The following HTT variants were observed in gnomAD, a reference collection of about 807,000 sequenced individuals.
HTT encodes the protein huntington disease protein.
HTT carries 104 observed loss-of-function variants against 362.3 expected under a neutral mutation model. That is an observed-to-expected ratio of 0.29 (90% CI 0.24 to 0.34). The LOEUF (loss-of-function observed/expected upper bound fraction) is 0.34, where lower values mean the gene tolerates loss of function less well. HTT is among the 10% of genes least tolerant of loss of function. The probability of loss-of-function intolerance (pLI) is 1.00; values close to 1 mark genes in which losing one functional copy is unlikely to be tolerated. For missense variants in HTT, 3,301 were observed against 3,928.6 expected, an observed-to-expected ratio of 0.84 and a Z score of 4.27; for synonymous variants, 1,577 against 1,548.7, an observed-to-expected ratio of 1.02 and a Z score of -0.43.
At chr4:3,114,625 T>G (rs776807596) in intron 6 of HTT, among the ~76,000 whole-genome samples, 4 of 152,240 alleles carry the variant, frequency 2.6e-5, no homozygotes, top group African/African-American at 4.8e-5. Context: ...GAGCATAGTT[T>G]TGAATAATGG....
chr4:3,104,882 C>T (rs73191189), intron 4 of HTT, among the ~76,000 whole-genome samples: 1,938 of 152,086 alleles, frequency 0.013, 31 homozygotes, highest in South Asian at 0.029. Flanking sequence ...TCAGCCTGGG[C>T]GACCAAGTGA....
rs897236942 is a variant in HTT, at chr4:3,146,485, C to T, written c.3144-312C>T. Among the ~76,000 whole-genome samples, 5 of 152,262 alleles carry T rather than the reference C, an allele frequency of 3.3e-5. No individual in the cohort carries two copies. The East Asian group carries it at 5.8e-4, about 18-fold the overall frequency. On this transcript the variant is annotated intron_variant, in intron 24 of 66. Coordinates refer to ENST00000355072, the MANE Select transcript of HTT (RefSeq NM_001388492.1). Reference sequence around the variant, plus strand: ...GTTTACTCAATGGCATTAACATGCCCAAATGTCTGGGTAGCTGTCTCATCT... The same window carrying T: ...GTTTACTCAATGGCATTAACATGCCTAAATGTCTGGGTAGCTGTCTCATCT...
intron 33 of HTT, among the ~76,000 whole-genome samples, chr4:3,176,059 G>A (rs1380257252): frequency 6.8e-6 from 1 of 147,670 alleles, no homozygotes; most frequent in Non-Finnish European, 1.5e-5. Flanking sequence ...ATGGAGTCTC[G>A]CTCTGTCACC....
At position 3,211,963 on chromosome 4, in the gene HTT, G is replaced by A. The variant is rs1720179447; in HGVS notation, c.6449G>A (p.Ser2150Asn). ...CTAAGCCTGCTAGCTCCATGCTTAA[G>A]CCTAGGGATGAGTGAAATTTCTGGT... ...FNLSLLAPCL[S>N]LGMSEISGGQ... The change falls in exon 48 of 67, where the codon AGC becomes AAC. Residue 2150 changes from serine to asparagine, a missense_variant. Coordinates refer to ENST00000355072, the MANE Select transcript of HTT (RefSeq NM_001388492.1). 6.2e-7 allele frequency: 1 copy of A among 1,614,148 alleles called. No homozygotes were observed. The highest frequency in any genetic ancestry group is 8.5e-7 in the Non-Finnish European group (1 of 1,180,020).
chr4:3,092,587 G>C (rs1480105918), intron 2 of HTT, among the ~76,000 whole-genome samples: 1 of 152,074 alleles, frequency 6.6e-6, no homozygotes, highest in Admixed American at 6.5e-5. Context: ...TTGCTGTATT[G>C]CCCAGGCTGG....
chr4:3,154,061 A>G (rs149273829), intron 26 of HTT, among the ~76,000 whole-genome samples: 122 of 152,226 alleles, frequency 8.0e-4, no homozygotes, highest in African/African-American at 2.6e-3. Context: ...TTCTCTGTGC[A>G]CCTGTTAGGA....
chr4:3,173,079 G>A lies in HTT; in HGVS notation c.4114G>A (p.Asp1372Asn). 6.2e-7 allele frequency: 1 copy of A among 1,614,130 alleles called. No individual in the cohort carries two copies. The highest frequency in any genetic ancestry group is 8.5e-7 in the Non-Finnish European group (1 of 1,180,044). Reference sequence around the variant, plus strand: ...CACCCACTTCACCCAGGCCCTCGCTGACGCCAGCCTGAGGAACATGGTGCA... The same window carrying A: ...CACCCACTTCACCCAGGCCCTCGCTAACGCCAGCCTGAGGAACATGGTGCA... ...PYTHFTQALA[D>N]ASLRNMVQAE... The change falls in exon 31 of 67, where the codon GAC (aspartate) becomes AAC (asparagine). Residue 1372 changes from aspartate to asparagine, a missense_variant. Asp to Asn is a conservative substitution (Grantham distance 23). Transcript: ENST00000355072.
intron 6 of HTT, among the ~76,000 whole-genome samples, chr4:3,111,002 G>A (rs993206132): frequency 1.3e-5 from 2 of 151,728 alleles, no homozygotes; most frequent in African/African-American, 4.8e-5. Flanking sequence ...TCTATTCATT[G>A]TTATGTTTTT....
intron 14 of HTT, 42 bp downstream of exon 14, chr4:3,130,465 T>A (rs755138885): frequency 9.0e-7 from 1 of 1,109,836 alleles, no homozygotes. Context: ...TTTCTGAGCT[T>A]GTGTGAGGAT....
intron 4 of HTT, 37 bp downstream of exon 4, chr4:3,103,920 T>C (rs1292689391): frequency 3.2e-6 from 4 of 1,267,422 alleles, no homozygotes; most frequent in Non-Finnish European, 4.6e-6. Context: ...ATGTTTTAAA[T>C]TTTAAATTTT....
chr4:3,173,962 C>T (rs1023344125), intron 31 of HTT, among the ~76,000 whole-genome samples: 3 of 152,124 alleles, frequency 2.0e-5, no homozygotes, highest in Non-Finnish European at 4.4e-5. Context: ...TGAGCCACCG[C>T]GCCCGGCCTC....
intron 28 of HTT, among the ~76,000 whole-genome samples, chr4:3,158,640 A>G (rs529098074): frequency 1.3e-5 from 2 of 150,506 alleles, no homozygotes; most frequent in East Asian, 4.0e-4. Flanking sequence ...GTTACTTCTT[A>G]TGGGTTTTTT....
chr4:3,160,334 C>A lies in HTT; in HGVS notation c.3806C>A (p.Ser1269Ter), dbSNP rs1464706575. Residue 1269 changes from serine to a stop codon, truncating the protein, a stop_gained, in exon 29 of 67, where the codon TCA becomes TAA. Coordinates refer to ENST00000355072, the MANE Select transcript of HTT (RefSeq NM_001388492.1). LOFTEE classifies it high-confidence loss of function. ...STEKFGGFLRSALDVLSQILE... is the reference protein window; with the variant it reads ...STEKFGGFLR ...GAAAAGTTTGGAGGGTTTCTCCGCTCAGCCTTGGATGTTCTTTCTCAGATA... is the reference window on the plus strand; with the variant it reads ...GAAAAGTTTGGAGGGTTTCTCCGCTAAGCCTTGGATGTTCTTTCTCAGATA... 6.4e-7 allele frequency: 1 copy of A among 1,555,096 alleles called. No homozygotes were observed. The highest frequency in any genetic ancestry group is 2.4e-5 in the East Asian group (1 of 41,798).
At chr4:3,198,336 T>C (rs1482223955) in intron 40 of HTT, among the ~76,000 whole-genome samples, 5 of 150,926 alleles carry the variant, frequency 3.3e-5, no homozygotes, top group Non-Finnish European at 7.4e-5. Flanking sequence ...GCAATTCTTG[T>C]GCTCCCGCCT....
intron 26 of HTT, among the ~76,000 whole-genome samples, chr4:3,153,255 C>T (rs547452313): frequency 1.1e-4 from 16 of 152,192 alleles, no homozygotes; most frequent in Non-Finnish European, 2.1e-4. Context: ...ATGACCCAGT[C>T]ACCTCCCAAA....
intron 6 of HTT, among the ~76,000 whole-genome samples, chr4:3,108,042 C>T (rs1402033050): frequency 6.6e-6 from 1 of 152,170 alleles, no homozygotes; most frequent in African/African-American, 2.4e-5. Flanking sequence ...GAATTCTGTC[C>T]TCTTTACTAG....
intron 6 of HTT, among the ~76,000 whole-genome samples, chr4:3,111,605 A>T (rs1341613313): frequency 6.6e-6 from 1 of 152,164 alleles, no homozygotes; most frequent in Non-Finnish European, 1.5e-5. Flanking sequence ...TTATCCTGCA[A>T]CCGGGGACTG....
At position 3,209,819 on chromosome 4, in the gene HTT, C is replaced by A; in HGVS notation, c.6292-8C>A. ...TCATGTTCCCCTTATCCATTTTTTT[C>A]TTCCCAGGACTGGTACGTTCATCTT... On this transcript the variant is annotated splice_region_variant and splice_polypyrimidine_tract_variant and intron_variant, in intron 46 of 66. Transcript: ENST00000355072. The A allele has an allele frequency of 6.2e-7, 1 of 1,612,722 alleles. No individual in the cohort carries two copies. Among genetic ancestry groups the A allele is most frequent in the South Asian group, 1.1e-5 (1 of 90,876 alleles).
At chr4:3,239,765 T>A (rs1721719699) in intron 66 of HTT, 81 bp from the exon 67 acceptor site, 1 of 1,177,220 alleles carries the variant, frequency 8.5e-7, no homozygotes, top group South Asian at 1.3e-5. Context: ...GTAGACTGTT[T>A]CAGGAGAGGA....
Sources: allele counts gnomAD v4.1 joint callset (sites outside exome capture counted in the v4.1 genomes callset), GRCh38; gene constraint gnomAD v4.1.1; transcripts MANE v1.5; gene names NCBI Gene and HGNC (gene_info 2026-07-23, HGNC 2026-07-21).